The following ABCB5 variants were observed in gnomAD, a reference collection of about 807,000 sequenced individuals.
The protein encoded by ABCB5 is ATP-binding cassette sub-family B member 5.
A neutral mutation model predicts 144.2 loss-of-function variants in ABCB5; 155 were observed. That is an observed-to-expected ratio of 1.08 (90% CI 0.94 to 1.23). The LOEUF is 1.23. Ranked by LOEUF, ABCB5 falls within the 50% of genes most tolerant of loss-of-function variation. The pLI is 0.00. For missense variants in ABCB5, 1,830 were observed against 1,520.8 expected (o/e 1.20, Z -3.38); for synonymous variants, 610 against 528.6 (o/e 1.15, Z -2.11).
At chr7:20,618,764 C>CTTTTTTTTTTTTTTTTT (rs59970398) in intron 1 of ABCB5, among the ~76,000 whole-genome samples, 2 of 51,574 alleles carry the variant, frequency 3.9e-5, no homozygotes, top group African/African-American at 7.6e-5. Context: ...GCTGCATTTT[C>CTTTTTTTTTTTTTTTTT]TTTTTTTTTT....
intron 5 of ABCB5, among the ~76,000 whole-genome samples, chr7:20,632,854 A>T (rs1297952453): frequency 9.6e-6 from 1 of 103,968 alleles, no homozygotes; most frequent in Admixed American, 1.3e-4. Flanking sequence ...CACTCTGGGG[A>T]CTGTTGTGGG....
At chr7:20,672,344 T>C (rs973156236) in intron 14 of ABCB5, among the ~76,000 whole-genome samples, 10 of 152,076 alleles carry the variant, frequency 6.6e-5, no homozygotes, top group Admixed American at 6.6e-4. Flanking sequence ...TTTTTTCTTT[T>C]ACAAATCAAG....
intron 5 of ABCB5, among the ~76,000 whole-genome samples, chr7:20,634,919 T>G (rs781425783): frequency 2.0e-5 from 3 of 152,102 alleles, no homozygotes; most frequent in Non-Finnish European, 4.4e-5. Flanking sequence ...AATTTCCATT[T>G]GTCTATTTTC....
intron 13 of ABCB5, among the ~76,000 whole-genome samples, chr7:20,657,639 G>C (rs1784852313): frequency 1.3e-5 from 2 of 152,154 alleles, no homozygotes; most frequent in Admixed American, 1.3e-4. Flanking sequence ...TGAAAAAAGT[G>C]ACATAAGGAA....
intron 5 of ABCB5, among the ~76,000 whole-genome samples, chr7:20,638,915 G>C (rs1784223847): frequency 6.6e-6 from 1 of 151,444 alleles, no homozygotes; most frequent in Non-Finnish European, 1.5e-5. Flanking sequence ...ATTTAGGTTT[G>C]TCTCTTTAAA....
intron 1 of ABCB5, among the ~76,000 whole-genome samples, chr7:20,618,141 A>G (rs1369629572): frequency 2.0e-5 from 3 of 152,188 alleles, no homozygotes; most frequent in Admixed American, 6.5e-5. Context: ...CCATCACCAC[A>G]TTCAATTTAT....
chr7:20,658,946 T>G (rs1050866782), intron 14 of ABCB5: 2 of 1,172,062 alleles, frequency 1.7e-6, no homozygotes, highest in African/African-American at 3.0e-5. Flanking sequence ...CCAAGTGGTT[T>G]GCACTTTCCA....
intron 3 of ABCB5, among the ~76,000 whole-genome samples, chr7:20,627,138 G>A (rs541164615): frequency 1.1e-4 from 16 of 152,228 alleles, no homozygotes; most frequent in Non-Finnish European, 7.4e-5. Context: ...TTTCATGCAT[G>A]TGTTCCCAGA....
At chr7:20,664,182 T>A (rs1291949999) in intron 14 of ABCB5, among the ~76,000 whole-genome samples, 1 of 152,186 alleles carries the variant, frequency 6.6e-6, no homozygotes, top group South Asian at 2.1e-4. Context: ...ATGGCTATAA[T>A]GGTAAATTCT....
At chr7:20,693,244 G>T (rs1786294712) in intron 16 of ABCB5, among the ~76,000 whole-genome samples, 1 of 152,084 alleles carries the variant, frequency 6.6e-6, no homozygotes, top group African/African-American at 2.4e-5. Flanking sequence ...GCATGTTCCT[G>T]TAGTCCCAGC....
At chr7:20,627,909 TC>T (rs1783945099) in intron 3 of ABCB5, among the ~76,000 whole-genome samples, 1 of 152,178 alleles carries the variant, frequency 6.6e-6, no homozygotes, top group African/African-American at 2.4e-5. Context: ...CTTAACTTAT[TC>T]CAAAATCAAC....
Position 20,743,074 on chromosome 7 carries a change from G to T in ABCB5, c.3222G>T (p.Val1074=), listed in dbSNP as rs2128055416. Residue 1074 remains valine, a splice_region_variant and synonymous_variant, in exon 25 of 28, where the codon GTG becomes GTT. Coordinates refer to ENST00000404938, the MANE Select transcript of ABCB5 (RefSeq NM_001163941.2). ...QRLYDPVQGQ[V]LFDGVDAKEL... is the part of the protein sequence containing the mutation. ...TTTATGACCCCGTGCAAGGACAAGT[G>T]GTAAGACAGAACTGAAACACACCTA... The T allele has an allele frequency of 6.2e-7, 1 of 1,613,702 alleles. No homozygotes were observed. The highest frequency in any genetic ancestry group is 1.3e-5 in the African/African-American group (1 of 75,018).
intron 14 of ABCB5, among the ~76,000 whole-genome samples, chr7:20,660,953 A>G (rs1784984025): frequency 6.6e-6 from 1 of 152,214 alleles, no homozygotes; most frequent in African/African-American, 2.4e-5. Context: ...AAATCAGGTC[A>G]GCAGTTTCTT....
chr7:20,701,324 T>A (rs962500967), intron 19 of ABCB5, among the ~76,000 whole-genome samples: 5 of 152,240 alleles, frequency 3.3e-5, no homozygotes, highest in Non-Finnish European at 5.9e-5. Flanking sequence ...TTCACATTTG[T>A]TGACTATTTC....
At chr7:20,713,484 C>A (rs1367145698) in intron 20 of ABCB5, among the ~76,000 whole-genome samples, 1 of 149,692 alleles carries the variant, frequency 6.7e-6, no homozygotes. Flanking sequence ...GGTCCTCCCA[C>A]CTTAGCCTCC....
intron 20 of ABCB5, among the ~76,000 whole-genome samples, chr7:20,719,536 A>T (rs1781792613): frequency 6.6e-6 from 1 of 152,168 alleles, no homozygotes; most frequent in Admixed American, 6.5e-5. Context: ...ATTCAACTCA[A>T]CACTACTATG....
At chr7:20,639,751 T>G (rs968057480) in intron 5 of ABCB5, among the ~76,000 whole-genome samples, 1 of 152,204 alleles carries the variant, frequency 6.6e-6, no homozygotes, top group Non-Finnish European at 1.5e-5. Flanking sequence ...TACTGTAGTT[T>G]TATAGTTTTA....
intron 4 of ABCB5, among the ~76,000 whole-genome samples, chr7:20,630,726 CT>C (rs1246923583): frequency 2.1e-4 from 32 of 152,136 alleles, no homozygotes; most frequent in African/African-American, 7.7e-4. Flanking sequence ...AATGGGCAAC[CT>C]GGCAACCTAA....
At chr7:20,729,844 A>G (rs2128051887) in intron 23 of ABCB5, among the ~76,000 whole-genome samples, 1 of 152,314 alleles carries the variant, frequency 6.6e-6, no homozygotes, top group African/African-American at 2.4e-5. Flanking sequence ...TTGGCAGAAC[A>G]CACTGGGCAC....
Sources: gnomAD v4.1 joint callset for allele counts (sites outside exome capture counted in the v4.1 genomes callset) on GRCh38, gnomAD v4.1.1 for gene constraint, MANE v1.5 for transcripts, NCBI Gene and HGNC (gene_info 2026-07-23, HGNC 2026-07-21) for gene names.